The following NAALADL2 variants were observed in gnomAD, a reference collection of about 807,000 sequenced individuals.
The protein encoded by NAALADL2 is N-acetylated alpha-linked acidic dipeptidase like 2.
NAALADL2 carries 76 observed loss-of-function variants against 87.2 expected under a neutral mutation model. That is an observed-to-expected ratio of 0.87 (90% CI 0.72 to 1.05). The LOEUF (loss-of-function observed/expected upper bound fraction) is 1.05. NAALADL2 is among the 50% of genes least tolerant of loss of function. The pLI is 0.00. For missense variants in NAALADL2, 1,089 were observed against 945.8 expected, an observed-to-expected ratio of 1.15 and a Z score of -1.99; for synonymous variants, 354 against 331.0, an observed-to-expected ratio of 1.07 and a Z score of -0.75.
chr3:175,312,442 GTTC>G (rs1366921084), intron 4 of NAALADL2, among the ~76,000 whole-genome samples: 1 of 150,130 alleles, frequency 6.7e-6, no homozygotes, highest in Admixed American at 6.6e-5. Context: ...CAAAAATCCA[GTTC>G]TTTTTTTTTT....
At chr3:175,778,978 A>G (rs1270351214) in intron 13 of NAALADL2, among the ~76,000 whole-genome samples, 1 of 152,216 alleles carries the variant, frequency 6.6e-6, no homozygotes, top group Non-Finnish European at 1.5e-5. Context: ...AAAAAAATGA[A>G]GACTCAAAGA....
intron 3 of NAALADL2, among the ~76,000 whole-genome samples, chr3:175,234,553 G>A (rs1745506299): frequency 6.6e-6 from 1 of 152,172 alleles, no homozygotes; most frequent in Non-Finnish European, 1.5e-5. Flanking sequence ...AATGGAGAGG[G>A]TTGTGTTTTG....
intron 1 of NAALADL2, among the ~76,000 whole-genome samples, chr3:175,030,261 G>A (rs1056508542): frequency 6.6e-6 from 1 of 152,030 alleles, no homozygotes; most frequent in Non-Finnish European, 1.5e-5. Flanking sequence ...TAAAGAGAAA[G>A]GACTTCAGTT....
At chr3:175,058,846 C>T (rs1012373545) in intron 1 of NAALADL2, among the ~76,000 whole-genome samples, 9 of 152,140 alleles carry the variant, frequency 5.9e-5, no homozygotes, top group Admixed American at 1.3e-4. Context: ...CTGTTTTCTT[C>T]GGGCTGTCTA....
chr3:175,765,931 AG>A (rs1748631337), intron 13 of NAALADL2, among the ~76,000 whole-genome samples: 1 of 152,132 alleles, frequency 6.6e-6, no homozygotes, highest in South Asian at 2.1e-4. Context: ...ATTCAAACCT[AG>A]TTTGTTTTCT....
intron 13 of NAALADL2, among the ~76,000 whole-genome samples, chr3:175,787,666 C>T (rs993429039): frequency 5.9e-5 from 9 of 152,072 alleles, no homozygotes; most frequent in Non-Finnish European, 1.3e-4. Flanking sequence ...AGAAATCACC[C>T]GTCTTCTGCG....
intron 9 of NAALADL2, among the ~76,000 whole-genome samples, chr3:175,519,150 T>C (rs940323019): frequency 3.9e-5 from 6 of 152,226 alleles, no homozygotes; most frequent in Admixed American, 6.5e-5. Flanking sequence ...GGGGCTCTTA[T>C]AACCTACAGA....
At chr3:175,191,947 C>T (rs921050238) in intron 2 of NAALADL2, among the ~76,000 whole-genome samples, 1 of 151,974 alleles carries the variant, frequency 6.6e-6, no homozygotes, top group Admixed American at 6.6e-5. Context: ...CAGTGATCTC[C>T]CAAATAAACA....
intron 4 of NAALADL2, among the ~76,000 whole-genome samples, chr3:175,279,791 T>A (rs1437419736): frequency 9.1e-6 from 1 of 109,402 alleles, no homozygotes; most frequent in African/African-American, 7.4e-5. Flanking sequence ...TGTGTGAGTG[T>A]GTGTGTGTGT....
chr3:174,718,844 T>G (rs1230921769), intron 2 of NAALADL2, among the ~76,000 whole-genome samples: 1 of 152,160 alleles, frequency 6.6e-6, no homozygotes, highest in Non-Finnish European at 1.5e-5. Flanking sequence ...GCAATAGTAT[T>G]AAATAAGTCA....
intron 2 of NAALADL2, among the ~76,000 whole-genome samples, chr3:175,119,969 A>T (rs566967114): frequency 6.6e-6 from 1 of 150,438 alleles, no homozygotes; most frequent in East Asian, 2.0e-4. Context: ...GAGAGGGGAA[A>T]GGCCGGTGTT....
intron 9 of NAALADL2, among the ~76,000 whole-genome samples, chr3:175,495,527 C>A (rs1373389177): frequency 6.6e-6 from 1 of 152,026 alleles, no homozygotes; most frequent in Non-Finnish European, 1.5e-5. Flanking sequence ...TTTGCACCAA[C>A]CTAATCTTTT....
chr3:174,653,386 C>T (rs1403978556), intron 2 of NAALADL2, among the ~76,000 whole-genome samples: 1 of 152,084 alleles, frequency 6.6e-6, no homozygotes, highest in African/African-American at 2.4e-5. Flanking sequence ...AGCTTTTGTT[C>T]TTCATATTCA....
In NAALADL2 at chr3:174,648,937, A is replaced by C; in HGVS notation, c.-114-88704A>C. The stretch of plus-strand genomic sequence containing the variant: ...ATGAGTTGCACTGCATCTAATCAGG[A>C]GAACCTGTTTTGTTTTTGTTTTTGT... On this transcript the variant is annotated intron_variant, in intron 2 of 3. Coordinates refer to the NAALADL2 transcript ENST00000434257. Among the ~76,000 whole-genome samples the C allele has an allele frequency of 2.0e-5, 3 of 152,142 alleles. No individual in the cohort carries two copies. In the South Asian group the frequency reaches 6.2e-4, roughly 32 times the overall value.
chr3:174,642,399 G>A (rs2108733747), intron 2 of NAALADL2, among the ~76,000 whole-genome samples: 1 of 151,764 alleles, frequency 6.6e-6, no homozygotes, highest in African/African-American at 2.4e-5. Flanking sequence ...TACTCGCGAG[G>A]CTGAGGCACA....
intron 3 of NAALADL2, among the ~76,000 whole-genome samples, chr3:174,742,623 C>T (rs529070658): frequency 1.3e-5 from 2 of 151,616 alleles, no homozygotes; most frequent in East Asian, 3.9e-4. Flanking sequence ...TACATAATTG[C>T]TCTATTTAAA....
intron 1 of NAALADL2, among the ~76,000 whole-genome samples, chr3:174,513,299 G>A (rs1312841388): frequency 6.6e-6 from 1 of 151,988 alleles, no homozygotes; most frequent in African/African-American, 2.4e-5. Flanking sequence ...ATGACATGCT[G>A]GTATTGTATA....
chr3:175,561,386 T>G (rs1483379993), intron 9 of NAALADL2, among the ~76,000 whole-genome samples: 1 of 152,192 alleles, frequency 6.6e-6, no homozygotes, highest in Admixed American at 6.5e-5. Flanking sequence ...TCTGTACATG[T>G]TCAGTATAGG....
At chr3:175,681,725 G>A (rs192719773) in intron 11 of NAALADL2, among the ~76,000 whole-genome samples, 214 of 152,258 alleles carry the variant, frequency 1.4e-3, no homozygotes, top group Non-Finnish European at 1.8e-3. Flanking sequence ...TACAGGCAAT[G>A]GCAATGAAGA....
Sources: allele counts gnomAD v4.1 joint callset (sites outside exome capture counted in the v4.1 genomes callset), GRCh38; gene constraint gnomAD v4.1.1; transcripts MANE v1.5; gene names NCBI Gene and HGNC (gene_info 2026-07-23, HGNC 2026-07-21).